Variants in ATXN1 observed in about 807,000 individuals in gnomAD.
The protein encoded by ATXN1 is ataxin-1.
ATXN1 carries 8 observed loss-of-function variants against 56.4 expected under a neutral mutation model. That is an observed-to-expected ratio of 0.14 (90% CI 0.08 to 0.26). ATXN1 has a LOEUF of 0.26. ATXN1 is among the 10% of genes least tolerant of loss of function. ATXN1 has a pLI of 1.00. For missense variants in ATXN1, 987 were observed against 1,106.5 expected (o/e 0.89, Z 1.53); for synonymous variants, 514 against 494.6 (o/e 1.04, Z -0.52).
intron 6 of ATXN1, among the ~76,000 whole-genome samples, chr6:16,402,470 T>G (rs903738035): frequency 1.3e-5 from 2 of 151,956 alleles, no homozygotes; most frequent in East Asian, 3.9e-4. Context: ...AACTGGCTTA[T>G]AGCAATTTTC....
At chr6:16,378,016 G>A (rs1288702408) in intron 6 of ATXN1, among the ~76,000 whole-genome samples, 1 of 152,158 alleles carries the variant, frequency 6.6e-6, no homozygotes, top group Non-Finnish European at 1.5e-5. Flanking sequence ...TGGCAAGGAG[G>A]GCCATCTCGG....
chr6:16,425,880 GAACA>G (rs955900304), intron 6 of ATXN1, among the ~76,000 whole-genome samples: 17 of 152,078 alleles, frequency 1.1e-4, no homozygotes, highest in African/African-American at 3.9e-4. Context: ...CTCTGTTCCA[GAACA>G]AACAAAGTGT....
At chr6:16,670,262 C>T (rs150068668) in intron 2 of ATXN1, among the ~76,000 whole-genome samples, 21 of 152,316 alleles carry the variant, frequency 1.4e-4, no homozygotes, top group African/African-American at 5.1e-4. Context: ...ACTCACCCCT[C>T]GTGCCCTCTC....
intron 6 of ATXN1, among the ~76,000 whole-genome samples, chr6:16,480,277 G>A (rs1041440282): frequency 6.6e-6 from 1 of 151,966 alleles, no homozygotes; most frequent in African/African-American, 2.4e-5. Flanking sequence ...AATTTCTGAT[G>A]GAAGGAAAGC....
chr6:16,673,020 C>CAAAA (rs559212594), intron 2 of ATXN1, among the ~76,000 whole-genome samples: 3,151 of 104,998 alleles, frequency 0.03, 85 homozygotes, highest in African/African-American at 0.034. Context: ...TCCCCCCCGC[C>CAAAA]AAAAAAAAAA....
intron 6 of ATXN1, among the ~76,000 whole-genome samples, chr6:16,425,451 G>T (rs985474449): frequency 6.6e-6 from 1 of 152,182 alleles, no homozygotes; most frequent in African/African-American, 2.4e-5. Context: ...AGATCACCTG[G>T]TAGTGAACCA....
chr6:16,348,381 C>T lies in ATXN1; in HGVS notation c.-160-19911G>A, dbSNP rs142962695. 4.3e-3 allele frequency among the ~76,000 whole-genome samples: 649 copies of T among 152,228 alleles called. 4 individuals carry two copies. Among genetic ancestry groups the T allele is most frequent in the South Asian group, 0.021 (102 of 4,820 alleles). On this transcript the variant is annotated intron_variant, in intron 6 of 7. Coordinates refer to ENST00000436367, the MANE Select transcript of ATXN1 (RefSeq NM_001128164.2). The stretch of plus-strand genomic sequence containing the variant: ...CACCGGGCCCATTCAACTTTCTAAG[C>T]TTTGATTTCCTCTTTAAGAAAATGA...
At chr6:16,610,394 TG>T in intron 3 of ATXN1, among the ~76,000 whole-genome samples, 1 of 152,058 alleles carries the variant, frequency 6.6e-6, no homozygotes, top group East Asian at 1.9e-4. Context: ...GTGCAACTTT[TG>T]AGGTCAAAAC....
chr6:16,545,765 G>C (rs1245102269), intron 4 of ATXN1, among the ~76,000 whole-genome samples: 1 of 152,218 alleles, frequency 6.6e-6, no homozygotes. Context: ...TTTAAATCAT[G>C]AGCAGGTGGC....
intron 6 of ATXN1, among the ~76,000 whole-genome samples, chr6:16,443,208 C>CAAAAAAAAAAAAAAAAAAAAAA (rs70999325): frequency 2.5e-5 from 1 of 40,760 alleles, no homozygotes; most frequent in Admixed American, 3.0e-4. Flanking sequence ...TCTATTGGAG[C>CAAAAAAAAAAAAAAAAAAAAAA]AAAAAAAAAA....
chr6:16,522,044 C>G (rs6459470), intron 5 of ATXN1, among the ~76,000 whole-genome samples: 50,169 of 151,976 alleles, frequency 0.33, 8,293 homozygotes, highest in Admixed American at 0.35. Context: ...TCTGCAGATT[C>G]CAAAACCAGA....
intron 2 of ATXN1, among the ~76,000 whole-genome samples, chr6:16,681,925 T>G (rs1455016402): frequency 6.6e-6 from 1 of 152,138 alleles, no homozygotes; most frequent in Non-Finnish European, 1.5e-5. Context: ...AGATGCATGA[T>G]TAAAGTACCA....
At chr6:16,430,773 A>C (rs989474767) in intron 6 of ATXN1, among the ~76,000 whole-genome samples, 64 of 151,936 alleles carry the variant, frequency 4.2e-4, no homozygotes, top group African/African-American at 1.4e-3. Context: ...TTCCCCACCC[A>C]ATCTTGCCAA....
At chr6:16,520,399 A>G (rs1047811449) in intron 5 of ATXN1, among the ~76,000 whole-genome samples, 1 of 152,146 alleles carries the variant, frequency 6.6e-6, no homozygotes, top group African/African-American at 2.4e-5. Context: ...TGCCCTCTTG[A>G]ATGTCAACAT....
At chr6:16,383,558 C>T (rs1194849754) in intron 6 of ATXN1, among the ~76,000 whole-genome samples, 1 of 152,120 alleles carries the variant, frequency 6.6e-6, no homozygotes, top group Non-Finnish European at 1.5e-5. Flanking sequence ...ATATAAGTTG[C>T]CCTTCCCCAC....
Position 16,326,620 on chromosome 6 carries a change from G to T in ATXN1, c.1691C>A (p.Ala564Glu). The change falls in exon 7 of 8, where the codon GCG becomes GAG. Residue 564 changes from alanine (A) to glutamate (E), a missense_variant. Transcript: ENST00000436367. The surrounding 1 kb of genome is among the most constrained non-coding windows in gnomAD (Gnocchi z 6.6). ...LPVVQSVASP[A>E]AAPPTLPPYF... The stretch of plus-strand genomic sequence containing the variant: ...GGGAGGCAGCGTAGGGGGAGCCGCC[G>T]CCGGGGAGGCCACGGACTGCACCAC... 3 of 1,614,016 alleles carry T rather than the reference G, an allele frequency of 1.9e-6. No homozygotes were observed. Among genetic ancestry groups the T allele is most frequent in the Non-Finnish European group, 2.5e-6 (3 of 1,180,026 alleles).
At chr6:16,606,522 GT>G (rs77088625) in intron 3 of ATXN1, among the ~76,000 whole-genome samples, 105,757 of 147,774 alleles carry the variant, frequency 0.72, 38,216 homozygotes, top group East Asian at 0.94. Flanking sequence ...TTGTTTGTGG[GT>G]TTTTTTTTTT....
intron 6 of ATXN1, among the ~76,000 whole-genome samples, chr6:16,428,815 A>G (rs1759214428): frequency 6.6e-6 from 1 of 152,086 alleles, no homozygotes; most frequent in Admixed American, 6.5e-5. Flanking sequence ...TCTCCTAACC[A>G]TAAATAATAA....
At chr6:16,638,949 C>T (rs1396558967) in intron 3 of ATXN1, among the ~76,000 whole-genome samples, 1 of 152,182 alleles carries the variant, frequency 6.6e-6, no homozygotes, top group East Asian at 1.9e-4. Flanking sequence ...GCCAGCTGGA[C>T]TTCTTGGGTC....
Sources: allele counts gnomAD v4.1 joint callset (sites outside exome capture counted in the v4.1 genomes callset), GRCh38; gene constraint gnomAD v4.1.1; non-coding constraint Gnocchi (gnomAD v3.1); transcripts MANE v1.5; gene names NCBI Gene and HGNC (gene_info 2026-07-23, HGNC 2026-07-21).